PCDHGB2: variants seen among roughly 807,000 people sequenced by gnomAD.
The protein encoded by PCDHGB2 is protocadherin gamma-B2.
A neutral mutation model predicts 59.3 loss-of-function variants in PCDHGB2; 55 were observed. The observed-to-expected ratio is 0.93, with a 90% CI of 0.75 to 1.16. PCDHGB2 has a LOEUF of 1.16. Among genes scored for constraint, PCDHGB2 ranks in the 50% most tolerant of loss-of-function variants. The pLI, the probability that PCDHGB2 is intolerant of heterozygous loss-of-function variation, is 0.00. For missense variants in PCDHGB2, 1,228 were observed against 1,198.5 expected (o/e 1.02, Z -0.36); for synonymous variants, 516 against 512.0 (o/e 1.01, Z -0.11).
intron 1 of PCDHGB2, chr5:141,384,729 G>C: frequency 6.2e-7 from 1 of 1,614,122 alleles, no homozygotes; most frequent in Middle Eastern, 1.7e-4. Flanking sequence ...TCCTGCTTAA[G>C]GCCAGCGAGC....
chr5:141,403,362 G>A lies in PCDHGB2; in HGVS notation c.2421+40806G>A, dbSNP rs200979571. 157 of 1,613,944 alleles carry A rather than the reference G, an allele frequency of 9.7e-5. No homozygotes were observed. Among genetic ancestry groups the A allele is most frequent in the Admixed American group, 4.3e-4 (26 of 60,012 alleles). On this transcript the variant is annotated intron_variant, in intron 1 of 3. Transcript: ENST00000522605. ...AGCGCCCCAAAGTTCCAGGCCGAAA[G>A]TCTGGAAGTAAAAATTAACGAAATC... is the stretch of plus-strand genomic sequence containing the variant.
intron 1 of PCDHGB2, chr5:141,370,885 T>C: frequency 9.9e-6 from 16 of 1,613,994 alleles, no homozygotes; most frequent in Non-Finnish European, 1.4e-5. Context: ...GATGTAGGTG[T>C]CAATTCGCTG....
At chr5:141,395,111 T>G in intron 1 of PCDHGB2, 1 of 1,613,670 alleles carries the variant, frequency 6.2e-7, no homozygotes, top group Middle Eastern at 1.7e-4. Flanking sequence ...CGCGGAAGAG[T>G]CACCTGATCT....
intron 1 of PCDHGB2, chr5:141,393,333 C>G: frequency 6.3e-7 from 1 of 1,582,250 alleles, no homozygotes; most frequent in Non-Finnish European, 8.6e-7. Context: ...CCAGCTCAGC[C>G]CCAATCACCA....
At position 141,371,064 on chromosome 5, in the gene PCDHGB2, T is replaced by C. The variant is rs759777636; in HGVS notation, c.2421+8508T>C. On this transcript the variant is annotated intron_variant, in intron 1 of 3. Transcript: ENST00000522605. ...GGATGGGGGCGAGCCCTCCAGAAGC[T>C]GTACCACCCAGATCAGGGTAATTGT... The C allele has an allele frequency of 4.3e-6, 7 of 1,613,944 alleles. No homozygotes were observed. In the South Asian group the frequency reaches 7.7e-5, roughly 18 times the overall value.
chr5:141,428,492 A>C (rs2097142759), intron 1 of PCDHGB2: 1 of 307,660 alleles, frequency 3.3e-6, no homozygotes. Flanking sequence ...TGCAATCTGT[A>C]TGTTCCCTCG....
At position 141,485,565 on chromosome 5, in the gene PCDHGB2, C is replaced by T. The variant is rs1213821989; in HGVS notation, c.2422-9242C>T. The T allele has an allele frequency of 2.5e-6, 4 of 1,612,946 alleles. No homozygotes were observed. Among genetic ancestry groups the T allele is most frequent in the Non-Finnish European group, 2.5e-6 (3 of 1,179,042 alleles). On this transcript the variant is annotated intron_variant, in intron 1 of 3. Coordinates refer to ENST00000522605, the MANE Select transcript of PCDHGB2 (RefSeq NM_018923.3). The surrounding 1 kb of genome is among the most constrained non-coding windows in gnomAD (Gnocchi z 5.7). ...ATCGTAGATGTGAATGATCACGCCCCCCGTTTTCCGCGGCAGCAGCTGGAC... is the reference window on the plus strand; with the variant it reads ...ATCGTAGATGTGAATGATCACGCCCTCCGTTTTCCGCGGCAGCAGCTGGAC...
chr5:141,491,567 C>T lies in PCDHGB2; in HGVS notation c.2422-3240C>T, dbSNP rs2099721325. On this transcript the variant is annotated intron_variant, in intron 1 of 3. Transcript: ENST00000522605. The surrounding 1 kb of genome is among the most constrained non-coding windows in gnomAD (Gnocchi z 6.9). ...GACTCGCAGAGCCACTGCTACAGGACGTGCTTTTCACCGGCCTCGGACGGC... is the reference window on the plus strand; with the variant it reads ...GACTCGCAGAGCCACTGCTACAGGATGTGCTTTTCACCGGCCTCGGACGGC... 1.9e-6 allele frequency: 3 copies of T among 1,614,004 alleles called. No individual in the cohort carries two copies. The highest frequency in any genetic ancestry group is 2.5e-6 in the Non-Finnish European group (3 of 1,180,034).
Position 141,432,923 on chromosome 5 carries a change from T to C in PCDHGB2, c.2422-61884T>C. ...GCTCAGGCTGCGGCGCTGGCACAAG[T>C]CACGCCTGCTGCAGGCTTCAGGAGG... On this transcript the variant is annotated intron_variant, in intron 1 of 3. Coordinates refer to ENST00000522605, the MANE Select transcript of PCDHGB2 (RefSeq NM_018923.3). This position sits in a 1 kb window ranked among gnomAD's most constrained non-coding sequence, Gnocchi z 6.0. The C allele has an allele frequency of 6.2e-7, 1 of 1,614,186 alleles. No homozygotes were observed. Among genetic ancestry groups the C allele is most frequent in the Non-Finnish European group, 8.5e-7 (1 of 1,180,034 alleles).
chr5:141,447,388 T>C (rs1302757515), intron 1 of PCDHGB2, among the ~76,000 whole-genome samples: 3 of 152,166 alleles, frequency 2.0e-5, no homozygotes, highest in African/African-American at 7.2e-5. Flanking sequence ...TCTGCCCACC[T>C]CGGCCTCCCA....
In PCDHGB2 at chr5:141,374,846, C is replaced by T. The variant is rs1473498001; in HGVS notation, c.2421+12290C>T. 4.3e-6 allele frequency: 7 copies of T among 1,613,724 alleles called. No individual in the cohort carries two copies. In the African/African-American group the frequency reaches 8.0e-5, roughly 18 times the overall value. On this transcript the variant is annotated intron_variant, in intron 1 of 3. Coordinates refer to ENST00000522605, the MANE Select transcript of PCDHGB2 (RefSeq NM_018923.3). ...CTACCGTGTAAGTGTTCCTGAAAAC[C>T]TGCCAGTAGGCACACCAGTGTTGGC...
At chr5:141,447,768 T>C (rs1392134454) in intron 1 of PCDHGB2, among the ~76,000 whole-genome samples, 1 of 152,212 alleles carries the variant, frequency 6.6e-6, no homozygotes, top group East Asian at 1.9e-4. Context: ...ATATAAATTA[T>C]ACTTTAATTG....
chr5:141,484,242 A>G (rs995022030), intron 1 of PCDHGB2, among the ~76,000 whole-genome samples: 1 of 152,216 alleles, frequency 6.6e-6, no homozygotes, highest in African/African-American at 2.4e-5. Flanking sequence ...TCTGGTCCTT[A>G]GCACCTCCCA....
chr5:141,458,463 C>T (rs749353395), intron 1 of PCDHGB2, among the ~76,000 whole-genome samples: 15 of 151,844 alleles, frequency 9.9e-5, no homozygotes, highest in Admixed American at 8.5e-4. Flanking sequence ...TTTAAAATAC[C>T]GTACAACTGC....
chr5:141,512,656 C>G lies in PCDHGB2; in HGVS notation c.*1483C>G, dbSNP rs1262748947. ...CCCTTACAGTAGTGTAGCGCCCCCT[C>G]CCTCTTTCGGCTGGTGTAGAATAGC... On this transcript the variant is annotated 3_prime_UTR_variant, in exon 4 of 4. Coordinates refer to ENST00000522605, the MANE Select transcript of PCDHGB2 (RefSeq NM_018923.3). 1 of 152,508 alleles carries G rather than the reference C, an allele frequency of 6.6e-6. No homozygotes were observed. The highest frequency in any genetic ancestry group is 1.5e-5 in the Non-Finnish European group (1 of 68,228). The allele number at this position is 152,508 out of a possible 1,614,324, so 9.4% of individuals were successfully genotyped here.
At chr5:141,390,029 C>A in intron 1 of PCDHGB2, 1 of 1,614,086 alleles carries the variant, frequency 6.2e-7, no homozygotes, top group Non-Finnish European at 8.5e-7. Flanking sequence ...GCCTGCGACG[C>A]TCCTCCAGCC....
chr5:141,501,693 G>T (rs1417828433), intron 2 of PCDHGB2, among the ~76,000 whole-genome samples: 1 of 152,028 alleles, frequency 6.6e-6, no homozygotes, highest in Non-Finnish European at 1.5e-5. Context: ...TATCTGCAGG[G>T]TGATTCCGAG....
intron 3 of PCDHGB2, among the ~76,000 whole-genome samples, chr5:141,505,969 A>G (rs1454691041): frequency 1.3e-5 from 2 of 152,142 alleles, no homozygotes; most frequent in Non-Finnish European, 2.9e-5. Context: ...AGAAATCCCC[A>G]GCCGAGAGAA....
Position 141,432,206 on chromosome 5 carries a change from G to T in PCDHGB2, c.2422-62601G>T, listed in dbSNP as rs551220443. ...GACCGCCCACGACCCCGACTGTGAA[G>T]AGAACGCCCAGATCACTTATTCCCT... On this transcript the variant is annotated intron_variant, in intron 1 of 3. Coordinates refer to ENST00000522605, the MANE Select transcript of PCDHGB2 (RefSeq NM_018923.3). The surrounding 1 kb of genome is among the most constrained non-coding windows in gnomAD (Gnocchi z 6.0). 12 of 1,614,214 alleles carry T rather than the reference G, an allele frequency of 7.4e-6. No individual in the cohort carries two copies. The Admixed American group carries it at 8.3e-5, about 11-fold the overall frequency.
Sources: gnomAD v4.1 joint callset for allele counts (sites outside exome capture counted in the v4.1 genomes callset) on GRCh38, gnomAD v4.1.1 for gene constraint, Gnocchi (gnomAD v3.1) non-coding constraint, MANE v1.5 for transcripts, NCBI Gene and HGNC (gene_info 2026-07-23, HGNC 2026-07-21) for gene names.